The following MYRIP variants were observed in gnomAD, a reference collection of about 807,000 sequenced individuals.
The protein encoded by MYRIP is rab effector MyRIP.
A neutral mutation model predicts 98.0 loss-of-function variants in MYRIP; 49 were observed. The observed-to-expected ratio is 0.50, with a 90% CI of 0.40 to 0.63. The LOEUF (loss-of-function observed/expected upper bound fraction) is 0.63. MYRIP is among the 30% of genes least tolerant of loss of function. The pLI is 0.00. For synonymous variants in MYRIP, 404 were observed against 409.5 expected (o/e 0.99, Z 0.16); for missense variants, 1,004 against 1,058.2 (o/e 0.95, Z 0.71).
chr3:39,838,509 G>A (rs554404861), intron 1 of MYRIP, among the ~76,000 whole-genome samples: 22 of 152,070 alleles, frequency 1.4e-4, no homozygotes, highest in East Asian at 5.8e-4. Flanking sequence ...GATGGATTAC[G>A]TTTATTGATT....
intron 2 of MYRIP, among the ~76,000 whole-genome samples, chr3:39,912,895 C>G (rs1944057618): frequency 6.6e-6 from 1 of 152,130 alleles, no homozygotes; most frequent in Non-Finnish European, 1.5e-5. Flanking sequence ...CAAAAATTAA[C>G]TAGGTGTGGT....
intron 2 of MYRIP, among the ~76,000 whole-genome samples, chr3:39,998,820 C>T (rs1339918136): frequency 1.3e-5 from 2 of 152,102 alleles, no homozygotes; most frequent in African/African-American, 4.8e-5. Flanking sequence ...GTACTGGTAC[C>T]AAAACAGAGA....
intron 3 of MYRIP, among the ~76,000 whole-genome samples, chr3:40,118,887 T>C: frequency 6.6e-6 from 1 of 152,036 alleles, no homozygotes; most frequent in African/African-American, 2.4e-5. Context: ...GCTTCATCCA[T>C]GTCCCTACAA....
At chr3:40,109,449 G>C (rs1949115562) in intron 3 of MYRIP, among the ~76,000 whole-genome samples, 4 of 152,214 alleles carry the variant, frequency 2.6e-5, no homozygotes, top group Admixed American at 2.6e-4. Context: ...AAAGTCTGAA[G>C]AGATGGGAAC....
intron 2 of MYRIP, among the ~76,000 whole-genome samples, chr3:40,033,643 GC>G (rs1282596071): frequency 4.6e-5 from 7 of 152,256 alleles, no homozygotes; most frequent in Admixed American, 3.9e-4. Context: ...TGGCCATACT[GC>G]CCAAGGTAAT....
chr3:40,126,651 CA>C (rs1158344093), intron 3 of MYRIP, among the ~76,000 whole-genome samples: 1 of 152,198 alleles, frequency 6.6e-6, no homozygotes, highest in African/African-American at 2.4e-5. Flanking sequence ...ACATAACCTA[CA>C]ACCAAATTTG....
At chr3:40,055,641 T>A (rs921067203) in intron 3 of MYRIP, among the ~76,000 whole-genome samples, 1 of 152,186 alleles carries the variant, frequency 6.6e-6, no homozygotes, top group African/African-American at 2.4e-5. Context: ...ACCAAGGACA[T>A]GAACAGGCCT....
chr3:40,106,457 C>T (rs1949052409), intron 3 of MYRIP, among the ~76,000 whole-genome samples: 1 of 151,864 alleles, frequency 6.6e-6, no homozygotes, highest in Admixed American at 6.6e-5. Context: ...TTATTTTGGG[C>T]TTTGTTTATG....
intron 2 of MYRIP, among the ~76,000 whole-genome samples, chr3:39,984,870 A>G (rs887917508): frequency 2.6e-5 from 4 of 151,748 alleles, no homozygotes; most frequent in Admixed American, 6.6e-5. Flanking sequence ...CTATTTCTCC[A>G]CATCCTCTCC....
At chr3:39,973,379 C>T (rs890497814) in intron 2 of MYRIP, among the ~76,000 whole-genome samples, 1 of 152,088 alleles carries the variant, frequency 6.6e-6, no homozygotes, top group African/African-American at 2.4e-5. Context: ...GCACCCAATA[C>T]AGGAGCACCC....
chr3:40,165,785 G>A (rs1212869500), intron 5 of MYRIP, among the ~76,000 whole-genome samples: 1 of 150,152 alleles, frequency 6.7e-6, no homozygotes, highest in African/African-American at 2.4e-5. Flanking sequence ...TTCACTAAAA[G>A]TATGGTAGCA....
At chr3:40,160,026 C>T (rs1424084933) in intron 4 of MYRIP, among the ~76,000 whole-genome samples, 4 of 152,122 alleles carry the variant, frequency 2.6e-5, no homozygotes, top group South Asian at 2.1e-4. Flanking sequence ...AGCTTTGTTC[C>T]GTTGCTGGTG....
intron 13 of MYRIP, among the ~76,000 whole-genome samples, chr3:40,247,422 C>T (rs1214394166): frequency 6.6e-6 from 1 of 152,166 alleles, no homozygotes; most frequent in Non-Finnish European, 1.5e-5. Context: ...TGAGCTACTG[C>T]TACTATCCTC....
intron 2 of MYRIP, among the ~76,000 whole-genome samples, chr3:39,958,451 G>C (rs1167244177): frequency 1.3e-5 from 2 of 152,152 alleles, no homozygotes; most frequent in East Asian, 1.9e-4. Context: ...TTTAATAAAT[G>C]GTGCTGGGAA....
At chr3:40,056,531 A>T (rs1357669219) in intron 3 of MYRIP, among the ~76,000 whole-genome samples, 2 of 152,154 alleles carry the variant, frequency 1.3e-5, no homozygotes, top group African/African-American at 4.8e-5. Context: ...CAGCTGCTGT[A>T]GGGGCAAGCT....
intron 2 of MYRIP, among the ~76,000 whole-genome samples, chr3:39,941,245 G>A (rs946021325): frequency 2.0e-5 from 3 of 152,090 alleles, no homozygotes; most frequent in African/African-American, 7.2e-5. Context: ...TTTTACTCGT[G>A]AGTGAGTGAG....
chr3:39,926,778 G>A (rs554028909), intron 2 of MYRIP, among the ~76,000 whole-genome samples: 2 of 151,942 alleles, frequency 1.3e-5, no homozygotes, highest in East Asian at 1.9e-4. Flanking sequence ...TGATGTCTTT[G>A]TTCTTTTTGC....
At chr3:39,827,604 A>G (rs974161557) in intron 1 of MYRIP, among the ~76,000 whole-genome samples, 1 of 152,038 alleles carries the variant, frequency 6.6e-6, no homozygotes, top group African/African-American at 2.4e-5. Flanking sequence ...TTGATTTTCT[A>G]TAGCAATGAG....
At chr3:39,886,125 G>T (rs2125651340) in intron 1 of MYRIP, among the ~76,000 whole-genome samples, 1 of 151,786 alleles carries the variant, frequency 6.6e-6, no homozygotes, top group African/African-American at 2.4e-5. Context: ...ATACTTTACA[G>T]ACAAGCAAAT....
Sources: allele counts gnomAD v4.1 joint callset (sites outside exome capture counted in the v4.1 genomes callset), GRCh38; gene constraint gnomAD v4.1.1; transcripts MANE v1.5; gene names NCBI Gene and HGNC (gene_info 2026-07-23, HGNC 2026-07-21).